HS3ST4: variants seen among roughly 807,000 people sequenced by gnomAD.
HS3ST4 encodes heparan sulfate-glucosamine 3-sulfotransferase 4.
HS3ST4 carries 17 observed loss-of-function variants against 29.2 expected under a neutral mutation model. The observed-to-expected ratio is 0.58, with a 90% CI of 0.40 to 0.87. The LOEUF is 0.87. Among genes scored for constraint, HS3ST4 ranks in the 40% least tolerant of loss-of-function variants. The pLI is 0.00. For missense variants in HS3ST4, 627 were observed against 634.5 expected (o/e 0.99, Z 0.13); for synonymous variants, 314 against 285.7 (o/e 1.10, Z -1.00).
intron 1 of HS3ST4, among the ~76,000 whole-genome samples, chr16:25,750,301 A>G (rs1239348129): frequency 6.6e-6 from 1 of 152,184 alleles, no homozygotes; most frequent in African/African-American, 2.4e-5. Context: ...TGTTCTAGTG[A>G]CAAAGTTAGA....
chr16:25,739,707 CTCTG>C (rs1258167754), intron 1 of HS3ST4, among the ~76,000 whole-genome samples: 1 of 102,244 alleles, frequency 9.8e-6, no homozygotes, highest in African/African-American at 3.3e-5. Context: ...CCCTGGATGT[CTCTG>C]TCTGTTGGGA....
At chr16:25,742,544 A>G (rs570250185) in intron 1 of HS3ST4, among the ~76,000 whole-genome samples, 5 of 152,362 alleles carry the variant, frequency 3.3e-5, no homozygotes, top group South Asian at 4.1e-4. Flanking sequence ...ACAGAGAAGC[A>G]TGGTTCCCAG....
At chr16:25,845,280 T>C (rs9934690) in intron 1 of HS3ST4, among the ~76,000 whole-genome samples, 79,779 of 151,924 alleles carry the variant, frequency 0.53, 21,085 homozygotes, top group East Asian at 0.57. Context: ...AGGCTGAGTC[T>C]GGCAGATCGC....
intron 1 of HS3ST4, among the ~76,000 whole-genome samples, chr16:25,717,183 G>A (rs55893942): frequency 0.33 from 49,603 of 152,018 alleles, 9,207 homozygotes; most frequent in East Asian, 0.57. Context: ...TTTAATCTCC[G>A]TGCCTTCCAG....
At chr16:25,760,648 A>T (rs1160043249) in intron 1 of HS3ST4, among the ~76,000 whole-genome samples, 1 of 151,954 alleles carries the variant, frequency 6.6e-6, no homozygotes, top group Non-Finnish European at 1.5e-5. Flanking sequence ...CGAACTCCTG[A>T]CCTCAAATGA....
chr16:25,806,204 T>A (rs531790755), intron 1 of HS3ST4, among the ~76,000 whole-genome samples: 13 of 152,346 alleles, frequency 8.5e-5, no homozygotes, highest in African/African-American at 3.1e-4. Flanking sequence ...GCACATTGCC[T>A]ACATCTCTCA....
intron 1 of HS3ST4, among the ~76,000 whole-genome samples, chr16:26,084,908 C>T (rs1214797422): frequency 6.6e-6 from 1 of 152,164 alleles, no homozygotes; most frequent in African/African-American, 2.4e-5. Flanking sequence ...TCACACCAGG[C>T]CCCTAAGGGT....
At chr16:26,123,739 T>A (rs1899306462) in intron 1 of HS3ST4, among the ~76,000 whole-genome samples, 1 of 152,108 alleles carries the variant, frequency 6.6e-6, no homozygotes, top group African/African-American at 2.4e-5. Flanking sequence ...ATAGCTTAGC[T>A]CCCACTTATA....
chr16:25,980,456 C>G (rs751342272), intron 1 of HS3ST4, among the ~76,000 whole-genome samples: 1 of 152,192 alleles, frequency 6.6e-6, no homozygotes, highest in Non-Finnish European at 1.5e-5. Flanking sequence ...ACCCTGTACT[C>G]CCTGACCACA....
chr16:25,768,677 T>C (rs1021461632), intron 1 of HS3ST4, among the ~76,000 whole-genome samples: 1 of 152,120 alleles, frequency 6.6e-6, no homozygotes. Flanking sequence ...TAAAAGTTGC[T>C]CTGGGAGAGT....
chr16:25,802,277 T>C (rs1264239251), intron 1 of HS3ST4, among the ~76,000 whole-genome samples: 1 of 152,186 alleles, frequency 6.6e-6, no homozygotes, highest in Admixed American at 6.5e-5. Flanking sequence ...ACGTATTACA[T>C]TGGTGAAAGA....
intron 1 of HS3ST4, among the ~76,000 whole-genome samples, chr16:26,027,467 G>A (rs1253170640): frequency 3.3e-5 from 5 of 152,152 alleles, no homozygotes; most frequent in African/African-American, 9.7e-5. Flanking sequence ...ACTTTGTCAT[G>A]TCATTATTTA....
chr16:25,741,623 A>G (rs1266996768), intron 1 of HS3ST4, among the ~76,000 whole-genome samples: 1 of 152,128 alleles, frequency 6.6e-6, no homozygotes, highest in Non-Finnish European at 1.5e-5. Flanking sequence ...AATAATTTCA[A>G]TGAGGTTTGT....
At chr16:25,896,398 T>A (rs1187978276) in intron 1 of HS3ST4, among the ~76,000 whole-genome samples, 1 of 151,970 alleles carries the variant, frequency 6.6e-6, no homozygotes, top group Non-Finnish European at 1.5e-5. Flanking sequence ...TATGAAAAAA[T>A]GGTCTTCATT....
chr16:26,085,040 T>C (rs1421362735), intron 1 of HS3ST4, among the ~76,000 whole-genome samples: 3 of 152,226 alleles, frequency 2.0e-5, no homozygotes, highest in African/African-American at 7.2e-5. Context: ...TCCACGGTGA[T>C]GAGCACATGG....
Position 26,136,714 on chromosome 16 carries a change from TTG to T in HS3ST4, c.*469_*470del, listed in dbSNP as rs1898288448. 5.9e-6 allele frequency: 1 copy of T among 169,774 alleles called. No homozygotes were observed. Among genetic ancestry groups the T allele is most frequent in the Admixed American group, 5.4e-5 (1 of 18,550 alleles). The allele number at this position is 169,774 out of a possible 1,614,324, so 10.5% of individuals were successfully genotyped here. On this transcript the variant is annotated 3_prime_UTR_variant, in exon 2 of 2. Coordinates refer to ENST00000331351, the MANE Select transcript of HS3ST4 (RefSeq NM_006040.3). ...CTTGGGCTTCTCCCCAGAATGCACT[TTG>T]TGGCTGAGTGCTCCAGGACTCCTAG... is the stretch of plus-strand genomic sequence containing the variant.
intron 1 of HS3ST4, among the ~76,000 whole-genome samples, chr16:26,037,132 C>T (rs918175831): frequency 1.1e-4 from 16 of 152,176 alleles, no homozygotes; most frequent in Admixed American, 3.3e-4. Flanking sequence ...GTAGAAAGAA[C>T]AGCGCCATTC....
At chr16:26,005,353 G>T (rs944698976) in intron 1 of HS3ST4, among the ~76,000 whole-genome samples, 1 of 152,138 alleles carries the variant, frequency 6.6e-6, no homozygotes, top group African/African-American at 2.4e-5. Flanking sequence ...AAATCAATAT[G>T]TGTATTTAGC....
intron 1 of HS3ST4, among the ~76,000 whole-genome samples, chr16:25,828,296 C>CT (rs1200250566): frequency 1.4e-5 from 1 of 74,012 alleles, no homozygotes; most frequent in Non-Finnish European, 2.5e-5. Flanking sequence ...TTCTTTCTTT[C>CT]TTTCCCTCTC....
Sources: allele counts gnomAD v4.1 joint callset (sites outside exome capture counted in the v4.1 genomes callset), GRCh38; gene constraint gnomAD v4.1.1; transcripts MANE v1.5; gene names NCBI Gene and HGNC (gene_info 2026-07-23, HGNC 2026-07-21).